ITPKB: variants seen among roughly 807,000 people sequenced by gnomAD.
The protein encoded by ITPKB is inositol-trisphosphate 3-kinase B.
A neutral mutation model predicts 69.4 loss-of-function variants in ITPKB; 13 were observed. The ratio of observed to expected loss-of-function variants is 0.19; its 90% CI spans 0.12 to 0.30. ITPKB has a LOEUF of 0.30. ITPKB is among the 10% of genes least tolerant of loss of function. The probability of loss-of-function intolerance (pLI) is 1.00; values close to 1 mark genes in which losing one functional copy is unlikely to be tolerated. For missense variants in ITPKB, 1,240 were observed against 1,250.5 expected (o/e 0.99, Z 0.13); for synonymous variants, 584 against 513.7 (o/e 1.14, Z -1.85).
At chr1:226,687,329 G>T (rs780016651) in intron 2 of ITPKB, among the ~76,000 whole-genome samples, 2 of 152,046 alleles carry the variant, frequency 1.3e-5, no homozygotes, top group African/African-American at 4.8e-5. Context: ...TTCCATCCTC[G>T]GGATGAAAAC....
At chr1:226,704,722 ATGGAC>A (rs1571866417) in intron 2 of ITPKB, among the ~76,000 whole-genome samples, 1 of 152,360 alleles carries the variant, frequency 6.6e-6, no homozygotes. Context: ...ACAGTAAGTA[ATGGAC>A]GTTCAACAAT....
In ITPKB at chr1:226,632,091, A is replaced by C. The variant is rs1290346193; in HGVS notation, c.*2580T>G. On this transcript the variant is annotated 3_prime_UTR_variant, in exon 8 of 8. Transcript: ENST00000429204. ...TCTTAGTGTTCTGTGCAATTTTAAA[A>C]CCCAACAAAATAAATATAACTTAAA... 2 of 152,634 alleles carry C rather than the reference A, an allele frequency of 1.3e-5. No homozygotes were observed. Among genetic ancestry groups the C allele is most frequent in the Admixed American group, 1.3e-4 (2 of 15,286 alleles). 9.5% of individuals were successfully genotyped at this position (152,634 alleles called of 1,614,324 possible). A position where few individuals can be genotyped will look rare whatever the true frequency, so the allele number is the denominator to read the frequency against.
intron 2 of ITPKB, among the ~76,000 whole-genome samples, chr1:226,691,006 G>T (rs927214574): frequency 5.3e-5 from 8 of 152,160 alleles, no homozygotes; most frequent in Non-Finnish European, 1.2e-4. Context: ...CCCAAGTACC[G>T]AAAATAGGCA....
intron 2 of ITPKB, among the ~76,000 whole-genome samples, chr1:226,674,638 G>T (rs561051955): frequency 6.6e-6 from 1 of 152,092 alleles, no homozygotes; most frequent in Non-Finnish European, 1.5e-5. Context: ...CCAGCCACAA[G>T]TTTTAGATAC....
At position 226,702,398 on chromosome 1, in the gene ITPKB, G is replaced by GAA. The variant is rs543738819; in HGVS notation, c.1932+33128_1932+33129insTT. Among the ~76,000 whole-genome samples, 53 of 138,040 alleles carry GAA rather than the reference G, an allele frequency of 3.8e-4. 1 individual carries two copies. Among genetic ancestry groups the GAA allele is most frequent in the African/African-American group, 1.1e-3 (42 of 36,730 alleles). 90.6% of individuals were successfully genotyped at this position (138,040 alleles called of 152,430 possible). On this transcript the variant is annotated intron_variant, in intron 2 of 7. Transcript: ENST00000429204. ...GGGCGACACAGTGAGACTCCCTCTCGGAAAAAAAAAAAAAAAGGGAAAGTT... is the reference window on the plus strand; with the variant it reads ...GGGCGACACAGTGAGACTCCCTCTCGAAGAAAAAAAAAAAAAAAGGGAAAGTT...
chr1:226,718,767 A>T, intron 2 of ITPKB, among the ~76,000 whole-genome samples: 1 of 152,216 alleles, frequency 6.6e-6, no homozygotes, highest in East Asian at 1.9e-4. Context: ...CTGCTGTGGG[A>T]TGTAAAATGG....
intron 2 of ITPKB, among the ~76,000 whole-genome samples, chr1:226,657,575 C>T (rs937376708): frequency 5.3e-5 from 8 of 152,138 alleles, no homozygotes; most frequent in Admixed American, 1.3e-4. Flanking sequence ...ACTCCGAAAA[C>T]GGTATTGCCA....
chr1:226,646,176 G>A (rs556834637), intron 4 of ITPKB, among the ~76,000 whole-genome samples: 3 of 152,334 alleles, frequency 2.0e-5, no homozygotes, highest in South Asian at 2.1e-4. Context: ...GCCCTGCAAG[G>A]AAGCATGGGG....
intron 2 of ITPKB, among the ~76,000 whole-genome samples, chr1:226,670,206 T>G (rs1208268097): frequency 9.5e-6 from 1 of 104,724 alleles, no homozygotes; most frequent in Non-Finnish European, 1.9e-5. Context: ...AAAAAAAAAT[T>G]TCAATAGTGA....
At chr1:226,646,798 C>T (rs539250275) in intron 4 of ITPKB, among the ~76,000 whole-genome samples, 1 of 152,300 alleles carries the variant, frequency 6.6e-6, no homozygotes, top group South Asian at 2.1e-4. Context: ...AGGAAGTCAC[C>T]ATCCTGCGAC....
chr1:226,685,802 C>G (rs1447074342), intron 2 of ITPKB, among the ~76,000 whole-genome samples: 1 of 152,148 alleles, frequency 6.6e-6, no homozygotes, highest in Non-Finnish European at 1.5e-5. Context: ...CAACATTGTA[C>G]AAGGAAAAAA....
chr1:226,703,401 G>A (rs1452483424), intron 2 of ITPKB, among the ~76,000 whole-genome samples: 2 of 152,242 alleles, frequency 1.3e-5, no homozygotes, highest in Admixed American at 6.5e-5. Context: ...GGCTGGCCGA[G>A]GCAGGGGCGC....
chr1:226,648,646 G>C (rs1669110099), intron 3 of ITPKB, 26 bp downstream of exon 3: 1 of 1,424,422 alleles, frequency 7.0e-7, no homozygotes. Flanking sequence ...CACCATGCTG[G>C]GAAAGTCTGG....
intron 2 of ITPKB, among the ~76,000 whole-genome samples, chr1:226,652,103 C>G (rs1171469558): frequency 6.6e-6 from 1 of 152,224 alleles, no homozygotes; most frequent in African/African-American, 2.4e-5. Flanking sequence ...AGCACCCAGG[C>G]AGTGCCTAAT....
intron 2 of ITPKB, among the ~76,000 whole-genome samples, chr1:226,666,910 G>A (rs925564638): frequency 2.6e-5 from 4 of 151,996 alleles, no homozygotes; most frequent in Non-Finnish European, 5.9e-5. Flanking sequence ...CCACCAATGC[G>A]TCCCTTCACT....
At chr1:226,695,013 T>C (rs951185150) in intron 2 of ITPKB, among the ~76,000 whole-genome samples, 2 of 152,226 alleles carry the variant, frequency 1.3e-5, no homozygotes, top group Non-Finnish European at 2.9e-5. Flanking sequence ...GTGGATCACC[T>C]GGGGTCAGGA....
In ITPKB at chr1:226,738,458, G is replaced by T. The variant is rs1341130570; in HGVS notation, c.-206+583C>A. Among the ~76,000 whole-genome samples, 2 of 152,160 alleles carry T rather than the reference G, an allele frequency of 1.3e-5. No homozygotes were observed. Among genetic ancestry groups the T allele is most frequent in the African/African-American group, 4.8e-5 (2 of 41,424 alleles). On this transcript the variant is annotated intron_variant, in intron 1 of 7. Coordinates refer to ENST00000429204, the MANE Select transcript of ITPKB (RefSeq NM_002221.4). This position sits in a 1 kb window ranked among gnomAD's most constrained non-coding sequence, Gnocchi z 4.2. The stretch of plus-strand genomic sequence containing the variant: ...CTGCCGTCGTCCCCTATGGGGGGGT[G>T]TCTGTGAGTGTGTGTGTATACACGC...
At chr1:226,678,782 T>C (rs1000794227) in intron 2 of ITPKB, among the ~76,000 whole-genome samples, 3 of 152,208 alleles carry the variant, frequency 2.0e-5, no homozygotes, top group African/African-American at 4.8e-5. Flanking sequence ...GTGTTCATGA[T>C]AGGCTTATTC....
intron 2 of ITPKB, among the ~76,000 whole-genome samples, chr1:226,689,965 C>T (rs973098344): frequency 3.3e-5 from 5 of 152,172 alleles, no homozygotes; most frequent in Admixed American, 2.0e-4. Flanking sequence ...TCTATGGCTG[C>T]GTAGTGTTCA....
Sources: gnomAD v4.1 joint callset for allele counts (sites outside exome capture counted in the v4.1 genomes callset) on GRCh38, gnomAD v4.1.1 for gene constraint, Gnocchi (gnomAD v3.1) non-coding constraint, MANE v1.5 for transcripts, NCBI Gene and HGNC (gene_info 2026-07-23, HGNC 2026-07-21) for gene names.